The following DPY19L1 variants were observed in gnomAD, a reference collection of about 807,000 sequenced individuals.
The protein encoded by DPY19L1 is protein C-mannosyl-transferase DPY19L1.
DPY19L1 carries 35 observed loss-of-function variants against 96.9 expected under a neutral mutation model. The observed-to-expected ratio is 0.36, with a 90% CI of 0.28 to 0.48. The LOEUF is 0.48. Ranked by LOEUF, DPY19L1 falls within the 20% of genes least tolerant of loss-of-function variation. The probability of loss-of-function intolerance (pLI) is 0.99; values close to 1 mark genes in which losing one functional copy is unlikely to be tolerated. For synonymous variants in DPY19L1, 205 were observed against 252.6 expected, an observed-to-expected ratio of 0.81 and a Z score of 1.79; for missense variants, 521 against 777.9, an observed-to-expected ratio of 0.67 and a Z score of 3.93.
intron 16 of DPY19L1, among the ~76,000 whole-genome samples, chr7:34,945,248 T>C (rs1584206066): frequency 6.6e-6 from 1 of 152,142 alleles, no homozygotes; most frequent in Non-Finnish European, 1.5e-5. Context: ...GTTTTTTTTT[T>C]CCTATACATA....
At chr7:34,945,824 T>C (rs1246372506) in intron 15 of DPY19L1, 108 bp from the exon 16 acceptor site, 5 of 732,688 alleles carry the variant, frequency 6.8e-6, no homozygotes, top group Non-Finnish European at 1.2e-5. Context: ...AATATAAGTA[T>C]AGAGATAACT....
chr7:34,933,919 G>A (rs758195044), intron 21 of DPY19L1, among the ~76,000 whole-genome samples: 12 of 152,118 alleles, frequency 7.9e-5, no homozygotes, highest in Non-Finnish European at 1.3e-4. Context: ...CCTTGTGATC[G>A]TGTGAGTCAG....
intron 10 of DPY19L1, among the ~76,000 whole-genome samples, chr7:34,960,239 T>C (rs1784474411): frequency 6.6e-6 from 1 of 151,928 alleles, no homozygotes; most frequent in Non-Finnish European, 1.5e-5. Context: ...AATTACTTTA[T>C]TCAATAACGT....
chr7:35,037,714 C>CGCCGCCCCT (rs1786472429), upstream of DPY19L1: 3 of 655,158 alleles, frequency 4.6e-6, no homozygotes, highest in Admixed American at 6.1e-5. Context: ...GCCCCGCCCC[C>CGCCGCCCCT]GCCGCCCCTC....
Position 34,939,358 on chromosome 7 carries a change from C to T in DPY19L1, c.1882G>A (p.Ala628Thr). 1 of 1,613,912 alleles carries T rather than the reference C, an allele frequency of 6.2e-7. No homozygotes were observed. The highest frequency in any genetic ancestry group is 8.5e-7 in the Non-Finnish European group (1 of 1,179,898). Residue 628 changes from alanine (A) to threonine (T), a missense_variant, in exon 20 of 22, where the codon GCC (alanine) becomes ACC (threonine). Physicochemically the swap from Ala to Thr is moderately conservative, Grantham distance 58. Transcript: ENST00000638088. The stretch of plus-strand genomic sequence containing the variant: ...TTAACACTTGCCATCGTGGGCATGG[C>T]ACCCGCAAACACTGCATCTGGAAGG... ...STKPDAVFAG[A>T]MPTMASVKLS...
At chr7:35,024,611 C>G (rs751666364) in intron 1 of DPY19L1, among the ~76,000 whole-genome samples, 2 of 152,158 alleles carry the variant, frequency 1.3e-5, no homozygotes, top group Non-Finnish European at 2.9e-5. Context: ...CAGTCAATCC[C>G]ACCACACACC....
At chr7:34,944,287 C>T (rs780994867) in intron 16 of DPY19L1, among the ~76,000 whole-genome samples, 11 of 145,796 alleles carry the variant, frequency 7.5e-5, no homozygotes, top group South Asian at 2.2e-4. Flanking sequence ...CGCCTGAACC[C>T]GGGAGGCGGA....
chr7:34,981,509 C>A (rs1224222739), intron 7 of DPY19L1, among the ~76,000 whole-genome samples: 2 of 152,146 alleles, frequency 1.3e-5, no homozygotes, highest in Non-Finnish European at 2.9e-5. Flanking sequence ...GAAAAAAGGG[C>A]ATTTTTATAA....
rs1380389451 is a variant in DPY19L1, at chr7:34,958,079, A to G, written c.1093-9T>C. On this transcript the variant is annotated splice_polypyrimidine_tract_variant and intron_variant, in intron 10 of 21. Transcript: ENST00000638088. Reference sequence around the variant, plus strand: ...CAAAGTGCAAGAGAAATCTGGAAAAATCCAAGAAAAAAATATAAGTAATGC... The same window carrying G: ...CAAAGTGCAAGAGAAATCTGGAAAAGTCCAAGAAAAAAATATAAGTAATGC... 6.4e-7 allele frequency: 1 copy of G among 1,560,932 alleles called. No homozygotes were observed.
rs377505477 is a variant in DPY19L1 at position 34,983,531 on chromosome 7, G to A, written c.822+6353C>T. Among the ~76,000 whole-genome samples the A allele has an allele frequency of 5.7e-3, 774 of 135,868 alleles. 7 individuals are homozygous for A. The highest frequency in any genetic ancestry group is 0.018 in the African/African-American group (694 of 37,562). The allele number at this position is 135,868 out of a possible 152,430, so 89.1% of individuals were successfully genotyped here. A position where few individuals can be genotyped will look rare whatever the true frequency, so the allele number is the denominator to read the frequency against. ...GAAGGGAGGGAAGGAGGGAAGAAAG[G>A]AAGGCAAGAAGGGAAGAAGAGAGGG... On this transcript the variant is annotated intron_variant, in intron 7 of 21. Coordinates refer to ENST00000638088, the MANE Select transcript of DPY19L1 (RefSeq NM_001366673.1).
At chr7:34,995,240 G>T (rs1785257144) in intron 6 of DPY19L1, among the ~76,000 whole-genome samples, 1 of 152,002 alleles carries the variant, frequency 6.6e-6, no homozygotes, top group Non-Finnish European at 1.5e-5. Context: ...CAGAAAAGAT[G>T]CAGCAATCAG....
At chr7:34,948,425 A>G (rs1784197540) in intron 14 of DPY19L1, among the ~76,000 whole-genome samples, 1 of 152,138 alleles carries the variant, frequency 6.6e-6, no homozygotes, top group African/African-American at 2.4e-5. Context: ...TCTCCACTGT[A>G]TAGGTGTACC....
intron 6 of DPY19L1, among the ~76,000 whole-genome samples, chr7:34,992,126 G>A (rs1785182643): frequency 6.6e-6 from 1 of 152,124 alleles, no homozygotes; most frequent in Non-Finnish European, 1.5e-5. Flanking sequence ...GTATGCAGGA[G>A]GTCGTTTCTC....
At chr7:34,954,480 C>A in intron 13 of DPY19L1, 1 of 310,196 alleles carries the variant, frequency 3.2e-6, no homozygotes, top group Non-Finnish European at 6.0e-6. Context: ...ATTTTAGTGA[C>A]ATAGAAGGAC....
At position 34,938,079 on chromosome 7, in the gene DPY19L1, C is replaced by T. The variant is rs753064107; in HGVS notation, c.2005G>A (p.Ala669Thr). 6.8e-6 allele frequency: 11 copies of T among 1,613,830 alleles called. No individual in the cohort carries two copies. The highest frequency in any genetic ancestry group is 9.3e-6 in the Non-Finnish European group (11 of 1,179,988). Reference protein sequence around the residue: ...KIVYSMYSRKAAEEVKRELIK... With the variant: ...KIVYSMYSRKTAEEVKRELIK... ...AGTTCTCGCTTCACTTCTTCGGCTG[C>T]TTTCCGACTATACATTGAGTATACT... Residue 669 changes from alanine (A) to threonine (T), a missense_variant, in exon 21 of 22, where the codon GCA (alanine) becomes ACA (threonine). By Grantham distance (58) the Ala-to-Thr change is moderately conservative. Coordinates refer to ENST00000638088, the MANE Select transcript of DPY19L1 (RefSeq NM_001366673.1).
At chr7:34,979,461 C>A (rs1401956492) in intron 7 of DPY19L1, among the ~76,000 whole-genome samples, 6 of 152,042 alleles carry the variant, frequency 3.9e-5, no homozygotes, top group Non-Finnish European at 7.4e-5. Context: ...ATTCAGGTTG[C>A]TTCTAAATTA....
intron 10 of DPY19L1, among the ~76,000 whole-genome samples, chr7:34,959,718 C>A (rs555321481): frequency 1.4e-3 from 190 of 132,622 alleles, no homozygotes; most frequent in African/African-American, 5.1e-3. Flanking sequence ...CTGTTGGGGG[C>A]TGGGGGGCTA....
At chr7:35,008,144 A>G (rs1432518660) in intron 6 of DPY19L1, among the ~76,000 whole-genome samples, 1 of 152,102 alleles carries the variant, frequency 6.6e-6, no homozygotes, top group East Asian at 1.9e-4. Context: ...ACAAGGTCAC[A>G]CTAAAGTAGC....
intron 6 of DPY19L1, among the ~76,000 whole-genome samples, chr7:34,992,814 T>A (rs562081562): frequency 3.7e-4 from 56 of 151,754 alleles, no homozygotes; most frequent in African/African-American, 1.0e-3. Flanking sequence ...AAAAAAAAAA[T>A]GTTTTTAACT....
Sources: allele counts gnomAD v4.1 joint callset (sites outside exome capture counted in the v4.1 genomes callset), GRCh38; gene constraint gnomAD v4.1.1; transcripts MANE v1.5; gene names NCBI Gene and HGNC (gene_info 2026-07-23, HGNC 2026-07-21).